The following NBPF26 variants were observed in gnomAD, a reference collection of about 807,000 sequenced individuals.
NBPF26 encodes the protein NBPF family member NBPF26.
NBPF26 carries 79 observed loss-of-function variants against 119.6 expected under a neutral mutation model. The ratio of observed to expected loss-of-function variants is 0.66; its 90% CI spans 0.55 to 0.80. The LOEUF (loss-of-function observed/expected upper bound fraction) is 0.80. Ranked by LOEUF, NBPF26 falls within the 30% of genes least tolerant of loss-of-function variation. The pLI, the probability that NBPF26 is intolerant of heterozygous loss-of-function variation, is 0.00. For synonymous variants in NBPF26, 299 were observed against 457.7 expected (o/e 0.65, Z 4.43); for missense variants, 800 against 1,198.2 (o/e 0.67, Z 4.91).
chr1:120,808,505 C>T lies in NBPF26; in HGVS notation c.1065-40C>T, dbSNP rs1553270458. On this transcript the variant is annotated intron_variant, in intron 6 of 29. Transcript: ENST00000620612. The stretch of plus-strand genomic sequence containing the variant: ...TGCAATATTTGAACGGATCACTCAA[C>T]CCTTTCTACTCTTAAATTTTCTCTA... The T allele has an allele frequency of 4.5e-4, 337 of 753,570 alleles. 45 individuals carry two copies. The highest frequency in any genetic ancestry group is 1.2e-3 in the Admixed American group (60 of 52,046). The allele number at this position is 753,570 out of a possible 1,614,324, so 46.7% of individuals were successfully genotyped here.
chr1:120,763,483 A>G, intron 1 of NBPF26, 145 bp from the exon 2 acceptor site: 2 of 447,368 alleles, frequency 4.5e-6, no homozygotes, highest in Non-Finnish European at 7.9e-6. Flanking sequence ...GCTAGAAGCC[A>G]GAACATAAAA....
At chr1:120,810,107 C>T (rs1651821601) in intron 8 of NBPF26, among the ~76,000 whole-genome samples, 1 of 126,878 alleles carries the variant, frequency 7.9e-6, no homozygotes, top group Middle Eastern at 3.4e-3. Flanking sequence ...TCTTCATCCT[C>T]CTCAGCTCCT....
chr1:120,842,140 C>T (rs1191346577), downstream of NBPF26, among the ~76,000 whole-genome samples: 1 of 109,238 alleles, frequency 9.2e-6, no homozygotes, highest in African/African-American at 5.5e-5. Flanking sequence ...TTTTTACATT[C>T]AGTGTTATAA....
intron 23 of NBPF26, among the ~76,000 whole-genome samples, chr1:120,833,387 C>A (rs1652403416): frequency 4.7e-5 from 4 of 85,534 alleles, no homozygotes; most frequent in Admixed American, 2.2e-4. Context: ...CTGTCTCTCT[C>A]TCTGTCTCTG....
chr1:120,739,951 A>T lies in NBPF26; in HGVS notation c.73+15701A>T. 5.4e-5 allele frequency among the ~76,000 whole-genome samples: 2 copies of T among 37,220 alleles called. 1 individual carries two copies. Among genetic ancestry groups the T allele is most frequent in the Non-Finnish European group, 9.8e-5 (2 of 20,442 alleles). The allele number at this position is 37,220 out of a possible 152,430, so 24.4% of individuals were successfully genotyped here. ...TATGGATCACCTAAAGAGTAGACTA[A>T]AAGTACTATTGTCTAGTAACTTCAA... On this transcript the variant is annotated intron_variant, in intron 1 of 29. Transcript: ENST00000620612.
intron 1 of NBPF26, among the ~76,000 whole-genome samples, chr1:120,755,564 CTG>C (rs1170612030): frequency 3.2e-5 from 1 of 30,960 alleles, no homozygotes; most frequent in Non-Finnish European, 5.8e-5. Context: ...ACAGCAAACA[CTG>C]ATGATTTTTT....
intron 3 of NBPF26, among the ~76,000 whole-genome samples, chr1:120,792,752 G>A (rs1396289547): frequency 4.9e-5 from 5 of 102,834 alleles, no homozygotes; most frequent in Non-Finnish European, 7.2e-5. Context: ...TGCCTGCCTC[G>A]GCCTCCCAAA....
In NBPF26 at chr1:120,754,402, T is replaced by C. The variant is rs1260029098; in HGVS notation, c.74-9226T>C. Among the ~76,000 whole-genome samples the C allele has an allele frequency of 7.7e-5, 5 of 64,562 alleles. 1 individual carries two copies. Among genetic ancestry groups the C allele is most frequent in the Non-Finnish European group, 1.3e-4 (5 of 37,940 alleles). 42.4% of individuals were successfully genotyped at this position (64,562 alleles called of 152,430 possible). A position where few individuals can be genotyped will look rare whatever the true frequency, so the allele number is the denominator to read the frequency against. ...GCACACAAATATATAGCACTTTTTGTAGAGAATAATTAAATTTCTAGATAT... is the reference window on the plus strand; with the variant it reads ...GCACACAAATATATAGCACTTTTTGCAGAGAATAATTAAATTTCTAGATAT... On this transcript the variant is annotated intron_variant, in intron 1 of 29. Transcript: ENST00000620612.
intron 2 of NBPF26, among the ~76,000 whole-genome samples, chr1:120,765,668 G>T (rs1174401528): frequency 1.1e-5 from 1 of 93,706 alleles, no homozygotes; most frequent in African/African-American, 5.5e-5. Context: ...CTACTATAAG[G>T]ACACATGCAC....
At chr1:120,832,657 G>A (rs1466158165) in intron 22 of NBPF26, among the ~76,000 whole-genome samples, 1 of 121,256 alleles carries the variant, frequency 8.2e-6, no homozygotes, top group African/African-American at 4.6e-5. Flanking sequence ...TTGGGATAAC[G>A]ATCTACTAGA....
chr1:120,786,474 C>G (rs1242953349), intron 3 of NBPF26, among the ~76,000 whole-genome samples: 1 of 85,124 alleles, frequency 1.2e-5, no homozygotes, highest in Non-Finnish European at 2.1e-5. Context: ...ATTACTACAT[C>G]TTTGATTATA....
In NBPF26 at chr1:120,763,631, T is replaced by C; in HGVS notation, c.77T>C (p.Leu26Ser). The C allele has an allele frequency of 1.5e-6, 2 of 1,371,080 alleles. 1 individual carries two copies. The highest frequency in any genetic ancestry group is 2.5e-5 in the South Asian group (2 of 81,524). The allele number at this position is 1,371,080 out of a possible 1,614,324, so 84.9% of individuals were successfully genotyped here. ...GTGCATTTGTTTTTATTTTTAGCAT[T>C]GCAGTGTCGAGATGGCTATGAACCC... Residue 26 changes from leucine to serine, a missense_variant, in exon 2 of 30, where the codon TTG (leucine) becomes TCG (serine). Around this residue, in one of 13 missense-constraint regions of NBPF26, gnomAD observed 209 missense variants for 285.2 expected, o/e 0.73. Coordinates refer to ENST00000620612, the Ensembl canonical transcript of NBPF26.
Position 120,813,122 on chromosome 1 carries a change from C to A in NBPF26, c.1775-769C>A, listed in dbSNP as rs1434938304. On this transcript the variant is annotated intron_variant, in intron 10 of 29. Transcript: ENST00000620612. ...AGGGACCGTGGGCCTGTCTCCTGGGCTCCATCCAAGTTGCTTGTCTTGTCT... is the reference window on the plus strand; with the variant it reads ...AGGGACCGTGGGCCTGTCTCCTGGGATCCATCCAAGTTGCTTGTCTTGTCT... Among the ~76,000 whole-genome samples, 45 of 119,260 alleles carry A rather than the reference C, an allele frequency of 3.8e-4. 1 individual carries two copies. Among genetic ancestry groups the A allele is most frequent in the Admixed American group, 2.8e-3 (35 of 12,618 alleles). The allele number at this position is 119,260 out of a possible 152,430, so 78.2% of individuals were successfully genotyped here. A position where few individuals can be genotyped will look rare whatever the true frequency, so the allele number is the denominator to read the frequency against.
chr1:120,813,177 G>T (rs1406946775), intron 10 of NBPF26, among the ~76,000 whole-genome samples: 2 of 121,030 alleles, frequency 1.7e-5, no homozygotes, highest in Non-Finnish European at 3.3e-5. Flanking sequence ...TGTTCAGAGG[G>T]TACTACAATA....
intron 1 of NBPF26, among the ~76,000 whole-genome samples, chr1:120,755,989 C>G (rs2101392056): frequency 9.4e-6 from 1 of 105,990 alleles, no homozygotes; most frequent in South Asian, 3.0e-4. Context: ...AGGAGGAAGA[C>G]AGATGTTTCT....
At chr1:120,744,070 G>A in intron 1 of NBPF26, among the ~76,000 whole-genome samples, 1 of 111,922 alleles carries the variant, frequency 8.9e-6, no homozygotes, top group Middle Eastern at 3.9e-3. Flanking sequence ...TAGCTCCCTG[G>A]AATTGCTATT....
intron 9 of NBPF26, among the ~76,000 whole-genome samples, chr1:120,811,222 T>A (rs1234165369): frequency 9.5e-6 from 1 of 104,724 alleles, no homozygotes; most frequent in Non-Finnish European, 1.8e-5. Context: ...CACTCCAGCC[T>A]GGGAGACAGA....
chr1:120,794,278 G>A lies in NBPF26; in HGVS notation c.751+782G>A, dbSNP rs1651531134. ...GGGCCTGGTGTTCCATGGAGAGGGA[G>A]AAAGGAACAAGCTTGGCCAATTCAT... On this transcript the variant is annotated intron_variant, in intron 4 of 29. Coordinates refer to ENST00000620612, the Ensembl canonical transcript of NBPF26. 2.7e-5 allele frequency among the ~76,000 whole-genome samples: 3 copies of A among 110,916 alleles called. 1 individual carries two copies. 72.8% of individuals were successfully genotyped at this position (110,916 alleles called of 152,430 possible).
intron 1 of NBPF26, among the ~76,000 whole-genome samples, chr1:120,745,115 G>T (rs1361181445): frequency 1.6e-5 from 1 of 64,438 alleles, no homozygotes; most frequent in Non-Finnish European, 2.7e-5. Flanking sequence ...GCAAGATCCT[G>T]TCTCCAAAAA....
Sources: gnomAD v4.1 joint callset for allele counts (sites outside exome capture counted in the v4.1 genomes callset) on GRCh38, gnomAD v4.1.1 for gene constraint, gnomAD v4.1.1 regional missense constraint, MANE v1.5 for transcripts, NCBI Gene and HGNC (gene_info 2026-07-23, HGNC 2026-07-21) for gene names.